Variants in LYPLAL1 observed in about 807,000 individuals in gnomAD.
LYPLAL1 encodes the protein lysophospholipase-like protein 1.
In LYPLAL1, 23 loss-of-function variants were observed where a neutral mutation model predicts 19.7. The observed-to-expected ratio is 1.17, with a 90% CI of 0.84 to 1.65. The LOEUF is 1.65. Among genes scored for constraint, LYPLAL1 ranks in the 40% most tolerant of loss-of-function variants. LYPLAL1 has a pLI of 0.00. For synonymous variants in LYPLAL1, 119 were observed against 96.3 expected, an observed-to-expected ratio of 1.24 and a Z score of -1.38; for missense variants, 355 against 279.4, an observed-to-expected ratio of 1.27 and a Z score of -1.93.
chr1:219,238,228 C>G, the LYPLAL1 span, among the ~76,000 whole-genome samples: 1 of 149,990 alleles, frequency 6.7e-6, no homozygotes, highest in East Asian at 1.9e-4. Context: ...ACCTCCACCT[C>G]CCGGGTTCAC....
the LYPLAL1 span, among the ~76,000 whole-genome samples, chr1:219,315,947 T>G: frequency 2.0e-5 from 3 of 152,132 alleles, no homozygotes; most frequent in Admixed American, 6.5e-5. Flanking sequence ...AACTTCTCAT[T>G]ATAATTAAAT....
chr1:219,445,078 A>AAAC, the LYPLAL1 span, among the ~76,000 whole-genome samples: 9 of 152,252 alleles, frequency 5.9e-5, no homozygotes, highest in East Asian at 1.7e-3. Flanking sequence ...TAAAAAAAAA[A>AAAC]AACAAGGACT....
At chr1:219,388,238 C>T in the LYPLAL1 span, among the ~76,000 whole-genome samples, 1 of 152,106 alleles carries the variant, frequency 6.6e-6, no homozygotes, top group Non-Finnish European at 1.5e-5. Flanking sequence ...AGAGTGTTTT[C>T]TTGGCAAGAC....
intron 1 of LYPLAL1, among the ~76,000 whole-genome samples, chr1:219,177,036 T>G (rs1474847126): frequency 6.6e-6 from 1 of 152,166 alleles, no homozygotes; most frequent in Non-Finnish European, 1.5e-5. Context: ...GGATGAGAAG[T>G]TGGAACAGTG....
intron 3 of LYPLAL1, among the ~76,000 whole-genome samples, chr1:219,195,188 T>C (rs1422653646): frequency 2.6e-5 from 4 of 152,150 alleles, no homozygotes; most frequent in Non-Finnish European, 5.9e-5. Context: ...CAGTAAATAC[T>C]CTGTTCAGTT....
chr1:219,267,551 A>G, the LYPLAL1 span, among the ~76,000 whole-genome samples: 1 of 152,208 alleles, frequency 6.6e-6, no homozygotes, highest in Non-Finnish European at 1.5e-5. Context: ...GGTCATTAAT[A>G]TCTCTTAAAT....
At chr1:219,216,881 A>T (rs1176962551), downstream of LYPLAL1, among the ~76,000 whole-genome samples, 13 of 152,138 alleles carry the variant, frequency 8.5e-5, no homozygotes, top group Admixed American at 8.5e-4. Flanking sequence ...TTCCTTTCTT[A>T]AGGAATGACT....
At chr1:219,317,723 A>G in the LYPLAL1 span, among the ~76,000 whole-genome samples, 1 of 152,310 alleles carries the variant, frequency 6.6e-6, no homozygotes, top group East Asian at 1.9e-4. Context: ...TCTGCAGGGC[A>G]TAAATGCTTG....
intron 2 of LYPLAL1, among the ~76,000 whole-genome samples, chr1:219,191,075 T>C (rs141607638): frequency 3.3e-5 from 5 of 151,776 alleles, no homozygotes; most frequent in Non-Finnish European, 7.4e-5. Context: ...CTTCAATTGA[T>C]ACTCTTAAAT....
chr1:219,187,342 C>A (rs902510332), intron 2 of LYPLAL1, among the ~76,000 whole-genome samples: 2 of 151,382 alleles, frequency 1.3e-5, no homozygotes, highest in African/African-American at 4.8e-5. Context: ...AAGGTAGGGG[C>A]ATAGTCAGTA....
At chr1:219,259,302 CT>C in the LYPLAL1 span, among the ~76,000 whole-genome samples, 1 of 151,768 alleles carries the variant, frequency 6.6e-6, no homozygotes, top group Non-Finnish European at 1.5e-5. Context: ...AACAAAGACA[CT>C]TGGACACAAA....
At chr1:219,218,510 T>C in the LYPLAL1 span, among the ~76,000 whole-genome samples, 1 of 151,962 alleles carries the variant, frequency 6.6e-6, no homozygotes, top group South Asian at 2.1e-4. Flanking sequence ...TTGCCTTTTT[T>C]TTTTTAGGTC....
At chr1:219,410,978 G>A in the LYPLAL1 span, among the ~76,000 whole-genome samples, 4 of 152,196 alleles carry the variant, frequency 2.6e-5, no homozygotes, top group South Asian at 2.1e-4. Context: ...CCCGACGAGC[G>A]CCACCCCCTG....
chr1:219,314,554 C>T, the LYPLAL1 span, among the ~76,000 whole-genome samples: 1 of 152,144 alleles, frequency 6.6e-6, no homozygotes, highest in African/African-American at 2.4e-5. Flanking sequence ...AGGCTGTTCT[C>T]CTGCCTCAGC....
the LYPLAL1 span, among the ~76,000 whole-genome samples, chr1:219,394,118 G>A: frequency 6.6e-6 from 1 of 151,860 alleles, no homozygotes; most frequent in Non-Finnish European, 1.5e-5. Context: ...CTAGATATAA[G>A]ATAAGCAATT....
At chr1:219,370,867 G>A in the LYPLAL1 span, among the ~76,000 whole-genome samples, 3 of 152,072 alleles carry the variant, frequency 2.0e-5, no homozygotes, top group South Asian at 2.1e-4. Context: ...TTTCATACAC[G>A]CACTTAAGAT....
chr1:219,410,256 G>A, the LYPLAL1 span: 1 of 152,118 alleles, frequency 6.6e-6, no homozygotes, highest in Admixed American at 6.5e-5. Context: ...TTATTATTGT[G>A]TTACTAGCAA....
chr1:219,331,281 C>T, the LYPLAL1 span, among the ~76,000 whole-genome samples: 28 of 152,118 alleles, frequency 1.8e-4, no homozygotes, highest in Non-Finnish European at 3.4e-4. Context: ...AGTATTGCCA[C>T]GTGTATTAGA....
chr1:219,325,036 A>G, the LYPLAL1 span, among the ~76,000 whole-genome samples: 2 of 152,144 alleles, frequency 1.3e-5, no homozygotes. Context: ...GCTAGTTCCT[A>G]TGGGAAATAT....
Sources: allele counts gnomAD v4.1 joint callset (sites outside exome capture counted in the v4.1 genomes callset), GRCh38; gene constraint gnomAD v4.1.1; transcripts MANE v1.5; gene names NCBI Gene and HGNC (gene_info 2026-07-23, HGNC 2026-07-21).